IZUMO1: variants seen among roughly 807,000 people sequenced by gnomAD.
The protein encoded by IZUMO1 is izumo sperm-egg fusion protein 1.
A neutral mutation model predicts 40.7 loss-of-function variants in IZUMO1; 44 were observed. The ratio of observed to expected loss-of-function variants is 1.08; its 90% confidence interval spans 0.85 to 1.39. IZUMO1 has a LOEUF of 1.39. IZUMO1 is among the 40% of genes most tolerant of loss of function. The pLI is 0.00. For missense variants in IZUMO1, 368 were observed against 436.9 expected, an observed-to-expected ratio of 0.84 and a Z score of 1.41; for synonymous variants, 149 against 170.9, an observed-to-expected ratio of 0.87 and a Z score of 1.00.
rs769220520 is a variant in IZUMO1 at position 48,741,988 on chromosome 19, G to A, written c.601-46C>T. ...TCACTGAGGCCTGAGGAATTCAGGG[G>A]TTGGGGGAGTACAGGGGTGAGAAGA... On this transcript the variant is annotated intron_variant, in intron 7 of 9. Coordinates refer to ENST00000332955, the MANE Select transcript of IZUMO1 (RefSeq NM_182575.3). This position sits in a 1 kb window ranked among gnomAD's most constrained non-coding sequence, Gnocchi z 4.4. 1.3e-6 allele frequency: 2 copies of A among 1,556,236 alleles called. No homozygotes were observed. Among genetic ancestry groups the A allele is most frequent in the Non-Finnish European group, 8.7e-7 (1 of 1,147,296 alleles).
chr19:48,741,696 TCACGCCCCCATCGCCAAGGC>T lies in IZUMO1; in HGVS notation c.754+73_754+92del. 1 of 1,428,740 alleles carries T rather than the reference TCACGCCCCCATCGCCAAGGC, an allele frequency of 7.0e-7. No homozygotes were observed. The highest frequency in any genetic ancestry group is 1.4e-5 in the South Asian group (1 of 69,258). 88.5% of individuals were successfully genotyped at this position (1,428,740 alleles called of 1,614,324 possible). A position where few individuals can be genotyped will look rare whatever the true frequency, so the allele number is the denominator to read the frequency against. ...CCCCGAAACCACACCCAACAGGAAG[TCACGCCCCCATCGCCAAGGC>T]CACGCCCCCGCCGCGGACCCCAGCT... On this transcript the variant is annotated intron_variant, in intron 8 of 9. Coordinates refer to ENST00000332955, the MANE Select transcript of IZUMO1 (RefSeq NM_182575.3). This position sits in a 1 kb window ranked among gnomAD's most constrained non-coding sequence, Gnocchi z 4.4.
In IZUMO1 at chr19:48,741,539, A is replaced by G. The variant is rs945807927; in HGVS notation, c.755-61T>C. ...GCGTGGAGTTCCTGCCCTGGCAAAG[A>G]CAAGCCCGTCCCAGTAGCCGGCCAT... On this transcript the variant is annotated intron_variant, in intron 8 of 9. Transcript: ENST00000332955. The surrounding 1 kb of genome is among the most constrained non-coding windows in gnomAD (Gnocchi z 4.4). 1 of 1,534,394 alleles carries G rather than the reference A, an allele frequency of 6.5e-7. No homozygotes were observed. Among genetic ancestry groups the G allele is most frequent in the Non-Finnish European group, 8.9e-7 (1 of 1,124,152 alleles).
chr19:48,743,129 C>T (rs1568486843), intron 6 of IZUMO1: 1 of 358,020 alleles, frequency 2.8e-6, no homozygotes, highest in Non-Finnish European at 5.3e-6. Context: ...TGGGTCCAAG[C>T]AATCCTCCTG....
At chr19:48,745,972 A>T (rs766825763) in intron 1 of IZUMO1, 40 bp from the exon 2 acceptor site, 225 of 1,511,262 alleles carry the variant, frequency 1.5e-4, no homozygotes, top group Non-Finnish European at 1.9e-4. Context: ...AAGAAATCCC[A>T]CTGGGCCGCC....
rs1205503685 is a variant in IZUMO1 at position 48,745,695 on chromosome 19, T to C, written c.165A>G (p.Glu55=). 1 of 1,614,210 alleles carries C rather than the reference T, an allele frequency of 6.2e-7. No homozygotes were observed. Among genetic ancestry groups the C allele is most frequent in the Admixed American group, 1.7e-5 (1 of 60,032 alleles). The change falls in exon 2 of 10, where the codon GAA becomes GAG. Residue 55 remains glutamate (E), a synonymous_variant. Transcript: ENST00000332955. ...AATCCTTCACGGCATTCTCTACCCT[T>C]TCCATCATGGCTTTGTGATGCTTCG... ...LDAKHHKAMM[E]RVENAVKDFQ...
At position 48,746,557 on chromosome 19, in the gene IZUMO1, C is replaced by A. The variant is rs8104897; in HGVS notation, c.-196G>T. On this transcript the variant is annotated 5_prime_UTR_variant, in exon 1 of 10. Coordinates refer to ENST00000332955, the MANE Select transcript of IZUMO1 (RefSeq NM_182575.3). ...CGGGCTCCCAATTTGCAGGGCGCAC[C>A]CTTCCGCTTAGAAAAAGGAGCCCCG... The A allele has an allele frequency of 0.43, 422,600 of 985,466 alleles. 92,370 individuals are homozygous for A. The highest frequency in any genetic ancestry group is 0.84 in the East Asian group (7,496 of 8,902). The allele number at this position is 985,466 out of a possible 1,614,324, so 61.0% of individuals were successfully genotyped here.
Position 48,741,780 on chromosome 19 carries a change from A to G in IZUMO1, c.754+9T>C, listed in dbSNP as rs749969728. 2.6e-6 allele frequency: 4 copies of G among 1,561,784 alleles called. No homozygotes were observed. The East Asian group carries it at 6.8e-5, about 27-fold the overall frequency. ...AATCCTACACTTCTCTCAGCCCCAC[A>G]GCACTGACCTGTGACGTGAAAATTG... On this transcript the variant is annotated intron_variant, in intron 8 of 9. Transcript: ENST00000332955. The surrounding 1 kb of genome is among the most constrained non-coding windows in gnomAD (Gnocchi z 4.4).
intron 1 of IZUMO1, 119 bp downstream of exon 1, chr19:48,746,315 GC>G: frequency 9.9e-7 from 1 of 1,011,074 alleles, no homozygotes; most frequent in Non-Finnish European, 1.2e-6. Flanking sequence ...TCCCCCGCCA[GC>G]CCCCCAAAAC....
chr19:48,740,964 C>T lies in IZUMO1; in HGVS notation c.997G>A (p.Ala333Thr), dbSNP rs758779644. The stretch of plus-strand genomic sequence containing the variant: ...TTTGGGACCTGGGTTTGCTCGGCCG[C>T]TCCACTGCCAAGGCCAAACAGTGAG... Reference protein sequence around the residue: ...KSSLFGLGSGAAEQTQVPKEK... With the variant: ...KSSLFGLGSGTAEQTQVPKEK... Residue 333 changes from alanine (A) to threonine (T), a missense_variant, in exon 10 of 10, where the codon GCG becomes ACG. Ala to Thr is a moderately conservative substitution (Grantham distance 58). Coordinates refer to ENST00000332955, the MANE Select transcript of IZUMO1 (RefSeq NM_182575.3). This position sits in a 1 kb window ranked among gnomAD's most constrained non-coding sequence, Gnocchi z 5.5. The T allele has an allele frequency of 3.1e-6, 5 of 1,614,000 alleles. No individual in the cohort carries two copies. Among genetic ancestry groups the T allele is most frequent in the Non-Finnish European group, 4.2e-6 (5 of 1,179,936 alleles).
At chr19:48,743,393 C>G in intron 6 of IZUMO1, 52 bp downstream of exon 6, 1 of 1,586,854 alleles carries the variant, frequency 6.3e-7, no homozygotes, top group Non-Finnish European at 8.6e-7. Context: ...TGCCTCTCCT[C>G]TCGCCCCACC....
At position 48,740,891 on chromosome 19, in the gene IZUMO1, GACA is replaced by G. The variant is rs767985476; in HGVS notation, c.*14_*16del. On this transcript the variant is annotated 3_prime_UTR_variant, in exon 10 of 10. Coordinates refer to ENST00000332955, the MANE Select transcript of IZUMO1 (RefSeq NM_182575.3). This position sits in a 1 kb window ranked among gnomAD's most constrained non-coding sequence, Gnocchi z 5.5. ...TCCCGGGGAGTGAGTCAGATGCTTA[GACA>G]ACAAGATAAATCTTTATTGTTGCCT... is the stretch of plus-strand genomic sequence containing the variant. 1 of 1,613,992 alleles carries G rather than the reference GACA, an allele frequency of 6.2e-7. No homozygotes were observed. Among genetic ancestry groups the G allele is most frequent in the East Asian group, 2.2e-5 (1 of 44,896 alleles).
At position 48,745,890 on chromosome 19, in the gene IZUMO1, G is replaced by A. The variant is rs774261166; in HGVS notation, c.-31C>T. On this transcript the variant is annotated 5_prime_UTR_variant, in exon 2 of 10. The change creates a new upstream start codon in the 5' untranslated region. Coordinates refer to ENST00000332955, the MANE Select transcript of IZUMO1 (RefSeq NM_182575.3). ...CCGGCGCGCACAGTTCCCGAAGACC[G>A]TTAGGAAGGGTGCTCTCACCCCAAA... 7 of 1,611,150 alleles carry A rather than the reference G, an allele frequency of 4.3e-6. No individual in the cohort carries two copies. Among genetic ancestry groups the A allele is most frequent in the Non-Finnish European group, 5.9e-6 (7 of 1,177,740 alleles).
Position 48,743,506 on chromosome 19 carries a change from C to G in IZUMO1, c.438G>C (p.Leu146=). 6.2e-7 allele frequency: 1 copy of G among 1,614,110 alleles called. No homozygotes were observed. The highest frequency in any genetic ancestry group is 2.2e-5 in the East Asian group (1 of 44,878). Residue 146 remains leucine (L), a synonymous_variant, in exon 6 of 10, where the codon CTG becomes CTC. Transcript: ENST00000332955. ...PNKCGVMLQT[L]IWCKNCKKEV... ...CCTTTTTGCAGTTCTTGCACCAGAT[C>G]AGAGTTTGCAACATCACACCTGGAG...
chr19:48,743,889 G>C, intron 5 of IZUMO1: 1 of 481,392 alleles, frequency 2.1e-6, no homozygotes, highest in Non-Finnish European at 3.8e-6. Flanking sequence ...TACTCAGGGG[G>C]CTGAGGCAGG....
intron 4 of IZUMO1, 40 bp from the exon 5 acceptor site, chr19:48,744,235 A>G (rs1174675518): frequency 6.3e-7 from 1 of 1,593,924 alleles, no homozygotes; most frequent in Non-Finnish European, 8.6e-7. Context: ...GAAAGAGATG[A>G]CAGAGTCAGA....
At position 48,746,802 on chromosome 19, in the gene IZUMO1, T is replaced by C. The variant is rs2033897729; in HGVS notation, c.-441A>G. On this transcript the variant is annotated 5_prime_UTR_variant, in exon 1 of 10. Transcript: ENST00000332955. ...AGGTTGGTTGCGTGAAATCGAGAGC[T>C]TTTCGACGGGGTCTGAGTCACGGAC... The C allele has an allele frequency of 1.0e-6, 1 of 985,176 alleles. No homozygotes were observed. Among genetic ancestry groups the C allele is most frequent in the South Asian group, 4.7e-5 (1 of 21,272 alleles). 61.0% of individuals were successfully genotyped at this position (985,176 alleles called of 1,614,324 possible). A position where few individuals can be genotyped will look rare whatever the true frequency, so the allele number is the denominator to read the frequency against.
chr19:48,742,411 G>A (rs2033733098), intron 6 of IZUMO1, 102 bp from the exon 7 acceptor site: 18 of 802,354 alleles, frequency 2.2e-5, no homozygotes, highest in South Asian at 4.3e-5. Flanking sequence ...GCATTGGCGC[G>A]ATCTCGGCTC....
intron 6 of IZUMO1, among the ~76,000 whole-genome samples, chr19:48,742,726 T>TC (rs1491501710): frequency 2.0e-3 from 46 of 22,596 alleles, no homozygotes; most frequent in African/African-American, 2.4e-3. Context: ...TCTCTCTCTC[T>TC]TTTTTTTTTT....
At chr19:48,746,264 G>C (rs1306106279) in intron 1 of IZUMO1, 171 bp downstream of exon 1, 1 of 1,057,458 alleles carries the variant, frequency 9.5e-7, no homozygotes, top group Non-Finnish European at 1.1e-6. Context: ...CCAGATTGAC[G>C]TGAGCCTGAA....
Sources: gnomAD v4.1 joint callset for allele counts (sites outside exome capture counted in the v4.1 genomes callset) on GRCh38, gnomAD v4.1.1 for gene constraint, Gnocchi (gnomAD v3.1) non-coding constraint, MANE v1.5 for transcripts, NCBI Gene and HGNC (gene_info 2026-07-23, HGNC 2026-07-21) for gene names.